Variants in COG5 observed in about 807,000 individuals in gnomAD.
COG5 encodes conserved oligomeric Golgi complex subunit 5.
In COG5, 86 loss-of-function variants were observed where a neutral mutation model predicts 110.4. That is an observed-to-expected ratio of 0.78 (90% CI 0.65 to 0.93). COG5 has a LOEUF of 0.93. COG5 is among the 40% of genes least tolerant of loss of function. COG5 has a pLI of 0.00. For missense variants in COG5, 1,077 were observed against 987.0 expected (o/e 1.09, Z -1.22); for synonymous variants, 360 against 334.6 (o/e 1.08, Z -0.83).
intron 10 of COG5, among the ~76,000 whole-genome samples, chr7:107,360,010 G>A (rs555321048): frequency 1.0e-4 from 15 of 150,466 alleles, no homozygotes; most frequent in Admixed American, 6.6e-4. Context: ...CTAACCACTC[G>A]AGGTCTCCTC....
chr7:107,477,833 T>C (rs558605748), intron 6 of COG5, among the ~76,000 whole-genome samples: 1 of 152,054 alleles, frequency 6.6e-6, no homozygotes, highest in South Asian at 2.1e-4. Context: ...ATCTGTTCTA[T>C]GAAAAGACGA....
intron 7 of COG5, among the ~76,000 whole-genome samples, chr7:107,383,259 C>T (rs1294337144): frequency 1.3e-5 from 2 of 152,080 alleles, no homozygotes; most frequent in African/African-American, 2.4e-5. Flanking sequence ...GCAACCCCTC[C>T]GAGACACATT....
Position 107,288,331 on chromosome 7 carries a change from T to C in COG5, c.1314-4599A>G, listed in dbSNP as rs560532225. 1.3e-4 allele frequency among the ~76,000 whole-genome samples: 20 copies of C among 152,320 alleles called. No homozygotes were observed. In the East Asian group the frequency reaches 1.9e-3, roughly 15 times the overall value. On this transcript the variant is annotated intron_variant, in intron 12 of 21. Coordinates refer to ENST00000297135, the MANE Select transcript of COG5 (RefSeq NM_006348.5). Reference sequence around the variant, plus strand: ...GAGCTGTGATTGCACCACTGCACTCTAGCCTGGGCTACAGAACGAGACCCA... The same window carrying C: ...GAGCTGTGATTGCACCACTGCACTCCAGCCTGGGCTACAGAACGAGACCCA...
At chr7:107,513,208 A>G (rs1377820060) in intron 6 of COG5, among the ~76,000 whole-genome samples, 1 of 152,326 alleles carries the variant, frequency 6.6e-6, no homozygotes, top group African/African-American at 2.4e-5. Flanking sequence ...CAAGAAAAAA[A>G]CAGACAACCC....
At chr7:107,268,365 C>T (rs1025651311) in intron 14 of COG5, among the ~76,000 whole-genome samples, 2 of 152,142 alleles carry the variant, frequency 1.3e-5, no homozygotes, top group Non-Finnish European at 2.9e-5. Flanking sequence ...TAATTAGGTT[C>T]TTTCTGTATA....
chr7:107,420,360 GTAT>G (rs1179483524), intron 6 of COG5, among the ~76,000 whole-genome samples: 2 of 152,318 alleles, frequency 1.3e-5, no homozygotes, highest in East Asian at 3.9e-4. Flanking sequence ...TCATAATAGG[GTAT>G]TATTCTTTTG....
chr7:107,406,536 T>C (rs960083040), intron 7 of COG5, among the ~76,000 whole-genome samples: 1 of 152,088 alleles, frequency 6.6e-6, no homozygotes, highest in Non-Finnish European at 1.5e-5. Flanking sequence ...ACTTGACAAC[T>C]GGTAAAAATG....
At chr7:107,221,081 T>C (rs1374821026) in intron 19 of COG5, among the ~76,000 whole-genome samples, 1 of 152,054 alleles carries the variant, frequency 6.6e-6, no homozygotes, top group South Asian at 2.1e-4. Flanking sequence ...CCTCCCAAAG[T>C]GCTGGAATTA....
At chr7:107,329,714 A>AC (rs368657935) in intron 10 of COG5, among the ~76,000 whole-genome samples, 5,060 of 149,248 alleles carry the variant, frequency 0.034, 213 homozygotes, top group East Asian at 0.14. Context: ...CAACAGCGAG[A>AC]CCCCCCCCGT....
At chr7:107,495,321 T>C (rs1437167244) in intron 6 of COG5, among the ~76,000 whole-genome samples, 1 of 152,050 alleles carries the variant, frequency 6.6e-6, no homozygotes, top group Non-Finnish European at 1.5e-5. Flanking sequence ...AACCATAAGG[T>C]ACTACACTCC....
chr7:107,295,714 T>G (rs540425108), intron 12 of COG5, among the ~76,000 whole-genome samples: 2 of 152,324 alleles, frequency 1.3e-5, no homozygotes, highest in African/African-American at 2.4e-5. Context: ...CTCCAAAAAG[T>G]GACAATAATA....
At chr7:107,427,932 T>C (rs1203232202) in intron 6 of COG5, among the ~76,000 whole-genome samples, 1 of 152,042 alleles carries the variant, frequency 6.6e-6, no homozygotes, top group East Asian at 1.9e-4. Context: ...CAAAGGCGGG[T>C]ATCTCTCCTT....
At chr7:107,291,183 A>G (rs1415988063) in intron 12 of COG5, among the ~76,000 whole-genome samples, 2 of 152,162 alleles carry the variant, frequency 1.3e-5, no homozygotes, top group Non-Finnish European at 2.9e-5. Context: ...GTATTCCTAT[A>G]ACATAGATGT....
At chr7:107,341,862 T>C (rs139035036) in intron 10 of COG5, among the ~76,000 whole-genome samples, 1 of 152,316 alleles carries the variant, frequency 6.6e-6, no homozygotes, top group Non-Finnish European at 1.5e-5. Context: ...CTACCTTTTA[T>C]TATATGCAAA....
intron 19 of COG5, 100 bp from the exon 20 acceptor site, chr7:107,211,325 T>C (rs2116205606): frequency 7.1e-7 from 1 of 1,398,786 alleles, no homozygotes; most frequent in Non-Finnish European, 1.0e-6. Context: ...TTTTCCTAGA[T>C]TGGCTACTGA....
chr7:107,438,448 T>C (rs555500183), intron 6 of COG5, among the ~76,000 whole-genome samples: 2 of 152,376 alleles, frequency 1.3e-5, no homozygotes, highest in East Asian at 1.9e-4. Context: ...CAAAACGTTA[T>C]ATAAGCCAGA....
chr7:107,287,880 T>C (rs1199033176), intron 12 of COG5, among the ~76,000 whole-genome samples: 2 of 152,232 alleles, frequency 1.3e-5, no homozygotes, highest in East Asian at 3.8e-4. Context: ...AATATTTCAT[T>C]GTATGAATAT....
At chr7:107,550,672 T>C (rs1802819564) in intron 3 of COG5, among the ~76,000 whole-genome samples, 1 of 152,208 alleles carries the variant, frequency 6.6e-6, no homozygotes, top group Non-Finnish European at 1.5e-5. Context: ...CCCCATCACC[T>C]GTTTTATTTT....
At chr7:107,243,628 CA>C (rs904684023) in intron 17 of COG5, among the ~76,000 whole-genome samples, 1 of 150,942 alleles carries the variant, frequency 6.6e-6, no homozygotes, top group African/African-American at 2.4e-5. Flanking sequence ...AGAAAATTAA[CA>C]AAGACATTCA....
Sources: gnomAD v4.1 joint callset for allele counts (sites outside exome capture counted in the v4.1 genomes callset) on GRCh38, gnomAD v4.1.1 for gene constraint, MANE v1.5 for transcripts, NCBI Gene and HGNC (gene_info 2026-07-23, HGNC 2026-07-21) for gene names.